Variants in AGAP1 observed in about 807,000 individuals in gnomAD.
AGAP1 encodes the protein arf-GAP with GTPase, ANK repeat and PH domain-containing protein 1.
In AGAP1, 29 loss-of-function variants were observed where a neutral mutation model predicts 105.3. That is an observed-to-expected ratio of 0.28 (90% CI 0.21 to 0.38). AGAP1 has a LOEUF of 0.38. Ranked by LOEUF, AGAP1 falls within the 10% of genes least tolerant of loss-of-function variation. The pLI, the probability that AGAP1 is intolerant of heterozygous loss-of-function variation, is 1.00. For synonymous variants in AGAP1, 509 were observed against 485.9 expected (o/e 1.05, Z -0.63); for missense variants, 998 against 1,165.1 (o/e 0.86, Z 2.09).
rs1204198730 is a variant in AGAP1 at position 236,094,159 on chromosome 2, T to A, written c.2115-26033T>A. 2.0e-5 allele frequency among the ~76,000 whole-genome samples: 3 copies of A among 152,078 alleles called. No homozygotes were observed. The East Asian group carries it at 5.8e-4, about 29-fold the overall frequency. ...AACTTCAGTCTTTTGACAAGACTGA[T>A]CAAAAGCTGTGATGGAGCCAGTGTG... On this transcript the variant is annotated intron_variant, in intron 16 of 17. Transcript: ENST00000304032.
At chr2:235,613,211 G>T (rs928491620) in intron 1 of AGAP1, among the ~76,000 whole-genome samples, 1 of 152,010 alleles carries the variant, frequency 6.6e-6, no homozygotes, top group Non-Finnish European at 1.5e-5. Context: ...GGCCAGGCTG[G>T]TCTTGAACTC....
chr2:235,992,020 G>A lies in AGAP1; in HGVS notation c.1645+23397G>A. ...CCACATTTCTCTCTCATCTGTGAAG[G>A]CCCGTTGAGACTGCTCAGTTGGTGT... On this transcript the variant is annotated intron_variant, in intron 13 of 17. Transcript: ENST00000304032. The surrounding 1 kb of genome is among the most constrained non-coding windows in gnomAD (Gnocchi z 4.8). Among the ~76,000 whole-genome samples the A allele has an allele frequency of 6.6e-6, 1 of 152,228 alleles. No homozygotes were observed. The highest frequency in any genetic ancestry group is 1.5e-5 in the Non-Finnish European group (1 of 68,042).
chr2:235,876,170 T>C (rs1317099862), intron 9 of AGAP1, among the ~76,000 whole-genome samples: 1 of 152,216 alleles, frequency 6.6e-6, no homozygotes, highest in Non-Finnish European at 1.5e-5. Flanking sequence ...AAATTGCAAA[T>C]ACTTGTATCT....
rs548962991 is a variant in AGAP1, at chr2:235,621,322, G to A, written c.164-87857G>A. Among the ~76,000 whole-genome samples, 19 of 152,130 alleles carry A rather than the reference G, an allele frequency of 1.2e-4. No homozygotes were observed. The highest frequency in any genetic ancestry group is 3.4e-3 in the Middle Eastern group (1 of 294). On this transcript the variant is annotated intron_variant, in intron 1 of 17. Coordinates refer to ENST00000304032, the MANE Select transcript of AGAP1 (RefSeq NM_001037131.3). The surrounding 1 kb of genome is among the most constrained non-coding windows in gnomAD (Gnocchi z 4.1). Reference sequence around the variant, plus strand: ...CAGGTGTGAGCCACCACGCCCAGCCGATCTATTTAATTTCATTGTGCCTTG... The same window carrying A: ...CAGGTGTGAGCCACCACGCCCAGCCAATCTATTTAATTTCATTGTGCCTTG...
At position 235,927,315 on chromosome 2, in the gene AGAP1, G is replaced by A. The variant is rs1444620241; in HGVS notation, c.1325-3450G>A. ...CAGAGGTTCCAGGTTGGTTCCTTGG[G>A]GACTCTCTCAGGAGGCAGAAGGTGG... On this transcript the variant is annotated intron_variant, in intron 11 of 17. Transcript: ENST00000304032. This position sits in a 1 kb window ranked among gnomAD's most constrained non-coding sequence, Gnocchi z 4.4. 6.6e-6 allele frequency among the ~76,000 whole-genome samples: 1 copy of A among 152,114 alleles called. No homozygotes were observed. Among genetic ancestry groups the A allele is most frequent in the East Asian group, 1.9e-4 (1 of 5,188 alleles).
At chr2:235,686,231 G>T (rs997201087) in intron 1 of AGAP1, among the ~76,000 whole-genome samples, 1 of 152,052 alleles carries the variant, frequency 6.6e-6, no homozygotes, top group Non-Finnish European at 1.5e-5. Context: ...CCTGCTGTAC[G>T]GGGCACCCGC....
chr2:235,644,100 TG>T (rs1356400279), intron 1 of AGAP1, among the ~76,000 whole-genome samples: 4 of 152,162 alleles, frequency 2.6e-5, no homozygotes. Flanking sequence ...CAGGGAGCAG[TG>T]GGAGCCCGGG....
At chr2:235,764,612 C>T (rs1252483930) in intron 6 of AGAP1, among the ~76,000 whole-genome samples, 5 of 152,204 alleles carry the variant, frequency 3.3e-5, no homozygotes, top group Non-Finnish European at 7.3e-5. Context: ...CGTCCTGAGT[C>T]GGCTCGGCTG....
At position 235,632,442 on chromosome 2, in the gene AGAP1, A is replaced by G. The variant is rs1050031856; in HGVS notation, c.164-76737A>G. Among the ~76,000 whole-genome samples, 4 of 152,118 alleles carry G rather than the reference A, an allele frequency of 2.6e-5. No homozygotes were observed. The South Asian group carries it at 6.2e-4, about 24-fold the overall frequency. ...ATGGAGCCCCTGTTTCGCCACGTCC[A>G]TTACGCTTGCAGTAGTCAGCAACTG... On this transcript the variant is annotated intron_variant, in intron 1 of 17. Coordinates refer to ENST00000304032, the MANE Select transcript of AGAP1 (RefSeq NM_001037131.3).
rs1559258731 is a variant in AGAP1 at position 235,573,032 on chromosome 2, T to TC, written c.163+78184dup. Among the ~76,000 whole-genome samples the TC allele has an allele frequency of 3.5e-3, 92 of 25,994 alleles. 12 individuals carry two copies. In the East Asian group the frequency reaches 0.056, roughly 16 times the overall value. 17.1% of individuals were successfully genotyped at this position (25,994 alleles called of 152,430 possible). ...TTCTTCTTCTTCTTCTTCTTCTTCT[T>TC]CTTCTTCTTCTTCTTCTTCTTCTTC... On this transcript the variant is annotated intron_variant, in intron 1 of 17. Coordinates refer to ENST00000304032, the MANE Select transcript of AGAP1 (RefSeq NM_001037131.3).
At position 235,723,547 on chromosome 2, in the gene AGAP1, A is replaced by G. The variant is rs529999185; in HGVS notation, c.310+5903A>G. Among the ~76,000 whole-genome samples, 15 of 151,742 alleles carry G rather than the reference A, an allele frequency of 9.9e-5. No homozygotes were observed. In the South Asian group the frequency reaches 2.1e-3, roughly 21 times the overall value. ...GCTCTGAGACCCGTTCCCCAGGACAACTCTCTCTGTGTCACCCATGGCATC... is the reference window on the plus strand; with the variant it reads ...GCTCTGAGACCCGTTCCCCAGGACAGCTCTCTCTGTGTCACCCATGGCATC... On this transcript the variant is annotated intron_variant, in intron 3 of 17. Coordinates refer to ENST00000304032, the MANE Select transcript of AGAP1 (RefSeq NM_001037131.3). The surrounding 1 kb of genome is among the most constrained non-coding windows in gnomAD (Gnocchi z 6.2).
rs1360127908 is a variant in AGAP1, at chr2:236,055,657, C to A, written c.2114+6376C>A. On this transcript the variant is annotated intron_variant, in intron 16 of 17. Coordinates refer to ENST00000304032, the MANE Select transcript of AGAP1 (RefSeq NM_001037131.3). This position sits in a 1 kb window ranked among gnomAD's most constrained non-coding sequence, Gnocchi z 6.2. Reference sequence around the variant, plus strand: ...CTGCTCAAGCCACGACAGTGGCAGCCTTCTCCGAGGAGCCGTGGGTTTGCA... The same window carrying A: ...CTGCTCAAGCCACGACAGTGGCAGCATTCTCCGAGGAGCCGTGGGTTTGCA... Among the ~76,000 whole-genome samples, 1 of 152,264 alleles carries A rather than the reference C, an allele frequency of 6.6e-6. No homozygotes were observed. The highest frequency in any genetic ancestry group is 1.5e-5 in the Non-Finnish European group (1 of 68,052).
At chr2:235,828,686 C>A (rs61133539) in intron 9 of AGAP1, among the ~76,000 whole-genome samples, 23,818 of 152,142 alleles carry the variant, frequency 0.16, 2,249 homozygotes, top group South Asian at 0.26. Flanking sequence ...TGTCATGGAG[C>A]AAATTCCAGA....
At position 235,751,175 on chromosome 2, in the gene AGAP1, G is replaced by A. The variant is rs1313410126; in HGVS notation, c.673+687G>A. 6.6e-5 allele frequency among the ~76,000 whole-genome samples: 10 copies of A among 152,240 alleles called. No homozygotes were observed. In the South Asian group the frequency reaches 1.2e-3, roughly 19 times the overall value. On this transcript the variant is annotated intron_variant, in intron 6 of 17. Coordinates refer to ENST00000304032, the MANE Select transcript of AGAP1 (RefSeq NM_001037131.3). The surrounding 1 kb of genome is among the most constrained non-coding windows in gnomAD (Gnocchi z 5.3). ...ATGAGAGAGGAGCCTGTGCAGATGC[G>A]TGGGGTGGGCGGGAGAGGTGGCGTC...
rs932802003 is a variant in AGAP1, at chr2:235,664,840, A to C, written c.164-44339A>C. Among the ~76,000 whole-genome samples the C allele has an allele frequency of 6.6e-6, 1 of 152,162 alleles. No individual in the cohort carries two copies. The highest frequency in any genetic ancestry group is 1.5e-5 in the Non-Finnish European group (1 of 68,028). On this transcript the variant is annotated intron_variant, in intron 1 of 17. Transcript: ENST00000304032. The surrounding 1 kb of genome is among the most constrained non-coding windows in gnomAD (Gnocchi z 5.7). ...TCAGAGGATAAAGTACGTGTGAGTG[A>C]TGCCACCTCAACCCTTAGCCAGGTG...
At chr2:236,033,166 A>G (rs1228464212) in intron 13 of AGAP1, among the ~76,000 whole-genome samples, 4 of 152,166 alleles carry the variant, frequency 2.6e-5, no homozygotes, top group Non-Finnish European at 5.9e-5. Flanking sequence ...AATCGCTTGA[A>G]CTTGGGAGGC....
At chr2:235,527,897 T>G (rs1052386178) in intron 1 of AGAP1, among the ~76,000 whole-genome samples, 1 of 152,322 alleles carries the variant, frequency 6.6e-6, no homozygotes, top group South Asian at 2.1e-4. Context: ...TGCCCTGCAT[T>G]TCACATCTAG....
At chr2:235,771,414 C>T (rs1955437397) in intron 6 of AGAP1, among the ~76,000 whole-genome samples, 1 of 152,158 alleles carries the variant, frequency 6.6e-6, no homozygotes, top group African/African-American at 2.4e-5. Context: ...AGCAGGGCAC[C>T]CCCAGGAACC....
At chr2:235,819,771 C>T (rs191234319) in intron 9 of AGAP1, among the ~76,000 whole-genome samples, 63 of 152,244 alleles carry the variant, frequency 4.1e-4, no homozygotes, top group Non-Finnish European at 4.4e-4. Context: ...ATGGTGCACA[C>T]TCCGAGACAT....
Sources: gnomAD v4.1 joint callset for allele counts (sites outside exome capture counted in the v4.1 genomes callset) on GRCh38, gnomAD v4.1.1 for gene constraint, Gnocchi (gnomAD v3.1) non-coding constraint, MANE v1.5 for transcripts, NCBI Gene and HGNC (gene_info 2026-07-23, HGNC 2026-07-21) for gene names.